The following SDK2 variants were observed in gnomAD, a reference collection of about 807,000 sequenced individuals.
SDK2 encodes the protein protein sidekick-2.
SDK2 carries 105 observed loss-of-function variants against 253.9 expected under a neutral mutation model. That is an observed-to-expected ratio of 0.41 (90% confidence interval 0.35 to 0.49). The LOEUF (loss-of-function observed/expected upper bound fraction) is 0.49, where lower values mean the gene tolerates loss of function less well. Among genes scored for constraint, SDK2 ranks in the 20% least tolerant of loss-of-function variants. The pLI is 0.06. For missense variants in SDK2, 2,608 were observed against 3,003.0 expected, an observed-to-expected ratio of 0.87 and a Z score of 3.07; for synonymous variants, 1,249 against 1,234.9, an observed-to-expected ratio of 1.01 and a Z score of -0.24.
At chr17:73,384,995 G>C (rs947427992) in intron 32 of SDK2, among the ~76,000 whole-genome samples, 1 of 152,148 alleles carries the variant, frequency 6.6e-6, no homozygotes, top group Non-Finnish European at 1.5e-5. Flanking sequence ...CTACGGGAGC[G>C]TCCTCTCCTT....
chr17:73,413,751 C>A (rs77425443), intron 18 of SDK2, among the ~76,000 whole-genome samples: 2 of 152,152 alleles, frequency 1.3e-5, no homozygotes, highest in Non-Finnish European at 2.9e-5. Flanking sequence ...AGTTATTCAG[C>A]GGTGCGAGCA....
intron 3 of SDK2, among the ~76,000 whole-genome samples, chr17:73,461,493 G>A (rs2063562238): frequency 6.6e-6 from 1 of 152,254 alleles, no homozygotes; most frequent in Admixed American, 6.5e-5. Context: ...AGCTGAGTAG[G>A]TATTCCCTAG....
At chr17:73,494,266 A>G (rs573522068) in intron 2 of SDK2, among the ~76,000 whole-genome samples, 2 of 152,288 alleles carry the variant, frequency 1.3e-5, no homozygotes, top group East Asian at 3.9e-4. Context: ...ATGTCCCCCA[A>G]GGAGTCATTT....
At chr17:73,427,033 C>G (rs189152628) in intron 12 of SDK2, among the ~76,000 whole-genome samples, 5 of 151,936 alleles carry the variant, frequency 3.3e-5, no homozygotes, top group Admixed American at 3.3e-4. Flanking sequence ...TGCAGTGTGC[C>G]GAGATGGTGC....
At chr17:73,372,323 A>G (rs1482383469) in intron 36 of SDK2, among the ~76,000 whole-genome samples, 1 of 152,212 alleles carries the variant, frequency 6.6e-6, no homozygotes, top group African/African-American at 2.4e-5. Context: ...TTGATGGGTA[A>G]CCAGGAGTCT....
At chr17:73,505,503 A>G (rs759145373) in intron 2 of SDK2, among the ~76,000 whole-genome samples, 27 of 151,980 alleles carry the variant, frequency 1.8e-4, no homozygotes, top group Non-Finnish European at 1.8e-4. Context: ...ATCATCCTCA[A>G]TAGCTGGACC....
intron 1 of SDK2, among the ~76,000 whole-genome samples, chr17:73,624,120 A>C (rs1309503611): frequency 2.0e-5 from 3 of 152,234 alleles, no homozygotes. Flanking sequence ...AGAGCAGAAA[A>C]TTGGGATTCA....
chr17:73,524,836 G>A lies in SDK2; in HGVS notation c.65-17239C>T, dbSNP rs116796389. 9.4e-4 allele frequency among the ~76,000 whole-genome samples: 143 copies of A among 152,370 alleles called. 1 individual carries two copies. The highest frequency in any genetic ancestry group is 3.3e-3 in the African/African-American group (136 of 41,582). On this transcript the variant is annotated intron_variant, in intron 1 of 44. Transcript: ENST00000392650. Reference sequence around the variant, plus strand: ...CTCCTTCCACTACAATGCATGAAGCGGTTTGGAAAGGCAACAGAGCCATCG... The same window carrying A: ...CTCCTTCCACTACAATGCATGAAGCAGTTTGGAAAGGCAACAGAGCCATCG...
chr17:73,339,229 G>GT (rs2062411701), intron 44 of SDK2, among the ~76,000 whole-genome samples: 8 of 138,516 alleles, frequency 5.8e-5, no homozygotes, highest in African/African-American at 2.1e-4. Context: ...TTTTGTTTTT[G>GT]TTTTTGTTTT....
At chr17:73,617,126 A>G (rs576160260) in intron 1 of SDK2, among the ~76,000 whole-genome samples, 1 of 150,928 alleles carries the variant, frequency 6.6e-6, no homozygotes, top group Non-Finnish European at 1.5e-5. Context: ...GTAGAGGGGA[A>G]GGGAGAGGCC....
chr17:73,527,206 G>A (rs757910359), intron 1 of SDK2, among the ~76,000 whole-genome samples: 27 of 152,176 alleles, frequency 1.8e-4, no homozygotes, highest in Non-Finnish European at 3.2e-4. Context: ...CAATCCAATG[G>A]CATTGGACTG....
chr17:73,568,943 G>A (rs890590345), intron 1 of SDK2, among the ~76,000 whole-genome samples: 2 of 152,130 alleles, frequency 1.3e-5, no homozygotes, highest in African/African-American at 2.4e-5. Flanking sequence ...TGCACACAGG[G>A]GGCAAAGGTT....
chr17:73,464,719 C>T (rs945074794), intron 3 of SDK2, among the ~76,000 whole-genome samples: 3 of 152,172 alleles, frequency 2.0e-5, no homozygotes, highest in Non-Finnish European at 4.4e-5. Flanking sequence ...CCCCCAACAA[C>T]CTTCCTTTGA....
chr17:73,447,590 C>A lies in SDK2; in HGVS notation c.613+25G>T. The A allele has an allele frequency of 6.4e-7, 1 of 1,551,390 alleles. No individual in the cohort carries two copies. Among genetic ancestry groups the A allele is most frequent in the South Asian group, 1.2e-5 (1 of 84,004 alleles). On this transcript the variant is annotated intron_variant, in intron 5 of 44. Transcript: ENST00000392650. The surrounding 1 kb of genome is among the most constrained non-coding windows in gnomAD (Gnocchi z 4.0). ...AAGATTTAATGGCCCGCTCCAAGAT[C>A]GGTCCCGGCCCTGTGCGTACTTACT... is the stretch of plus-strand genomic sequence containing the variant.
Position 73,437,837 on chromosome 17 carries a change from A to T in SDK2, c.917-15T>A. ...CTGAGGCGGTTCTGCAGGAGGAAGG[A>T]CCAGGGGAGGGGGTCAGAGCCATGC... On this transcript the variant is annotated splice_polypyrimidine_tract_variant and intron_variant, in intron 7 of 44. Coordinates refer to ENST00000392650, the MANE Select transcript of SDK2 (RefSeq NM_001144952.2). 1 of 1,613,572 alleles carries T rather than the reference A, an allele frequency of 6.2e-7. No individual in the cohort carries two copies. The highest frequency in any genetic ancestry group is 8.5e-7 in the Non-Finnish European group (1 of 1,179,542).
rs980085647 is a variant in SDK2, at chr17:73,352,060, A to G, written c.5758+413T>C. On this transcript the variant is annotated intron_variant, in intron 41 of 44. Coordinates refer to ENST00000392650, the MANE Select transcript of SDK2 (RefSeq NM_001144952.2). The surrounding 1 kb of genome is among the most constrained non-coding windows in gnomAD (Gnocchi z 4.1). Reference sequence around the variant, plus strand: ...CCCTGCTGCACCCAGGCACTAGGTCAGGCCTAAGGCCCACCTGTGTCTCTG... The same window carrying G: ...CCCTGCTGCACCCAGGCACTAGGTCGGGCCTAAGGCCCACCTGTGTCTCTG... Among the ~76,000 whole-genome samples the G allele has an allele frequency of 6.6e-6, 1 of 152,134 alleles. No individual in the cohort carries two copies. The highest frequency in any genetic ancestry group is 2.4e-5 in the African/African-American group (1 of 41,436).
At chr17:73,339,664 C>T (rs1015745605) in intron 44 of SDK2, among the ~76,000 whole-genome samples, 1 of 151,874 alleles carries the variant, frequency 6.6e-6, no homozygotes, top group Non-Finnish European at 1.5e-5. Context: ...AGCTATCCTC[C>T]CATGTCAGCC....
At chr17:73,464,749 C>T (rs558381807) in intron 3 of SDK2, among the ~76,000 whole-genome samples, 27 of 152,278 alleles carry the variant, frequency 1.8e-4, no homozygotes, top group Non-Finnish European at 3.1e-4. Flanking sequence ...CCATGTCACC[C>T]GCTCCCAATG....
intron 2 of SDK2, among the ~76,000 whole-genome samples, chr17:73,499,268 G>T (rs183287431): frequency 6.6e-6 from 1 of 152,366 alleles, no homozygotes; most frequent in East Asian, 1.9e-4. Flanking sequence ...CCCTGCTTTT[G>T]TGTCCCTTGC....
Sources: allele counts gnomAD v4.1 joint callset (sites outside exome capture counted in the v4.1 genomes callset), GRCh38; gene constraint gnomAD v4.1.1; non-coding constraint Gnocchi (gnomAD v3.1); transcripts MANE v1.5; gene names NCBI Gene and HGNC (gene_info 2026-07-23, HGNC 2026-07-21).